Variants in MARCHF1 observed in about 807,000 individuals in gnomAD.
The protein encoded by MARCHF1 is E3 ubiquitin-protein ligase MARCHF1.
In MARCHF1, 40 loss-of-function variants were observed where a neutral mutation model predicts 54.2. The ratio of observed to expected loss-of-function variants is 0.74; its 90% confidence interval spans 0.57 to 0.96. MARCHF1 has a LOEUF of 0.96. MARCHF1 is among the 40% of genes least tolerant of loss of function. The pLI, the probability that MARCHF1 is intolerant of heterozygous loss-of-function variation, is 0.00. For missense variants in MARCHF1, 586 were observed against 656.5 expected (o/e 0.89, Z 1.17); for synonymous variants, 236 against 236.3 (o/e 1.00, Z 0.01).
chr4:163,736,496 T>C (rs1286847887), intron 4 of MARCHF1, among the ~76,000 whole-genome samples: 1 of 138,886 alleles, frequency 7.2e-6, no homozygotes, highest in African/African-American at 2.7e-5. Context: ...TGGATCTCAG[T>C]TGACTTCTGG....
intron 3 of MARCHF1, among the ~76,000 whole-genome samples, chr4:163,986,249 C>CCTTTTTTTTTTTT (rs1752864138): frequency 6.9e-5 from 2 of 28,830 alleles, no homozygotes; most frequent in Non-Finnish European, 1.5e-4. Flanking sequence ...TTAACCTCTT[C>CCTTTTTTTTTTTT]TTTTTTTTTT....
intron 1 of MARCHF1, among the ~76,000 whole-genome samples, chr4:164,232,872 T>C (rs78163357): frequency 6.6e-6 from 1 of 152,150 alleles, no homozygotes; most frequent in Non-Finnish European, 1.5e-5. Flanking sequence ...CAGAAACCTA[T>C]AGACACGTGC....
At chr4:163,546,830 C>T (rs7667729) in intron 8 of MARCHF1, among the ~76,000 whole-genome samples, 20,439 of 152,172 alleles carry the variant, frequency 0.13, 1,478 homozygotes, top group East Asian at 0.17. Context: ...AAGGGAATAT[C>T]TCCCATATTT....
At chr4:163,906,833 T>TC (rs67008142) in intron 3 of MARCHF1, among the ~76,000 whole-genome samples, 3 of 151,622 alleles carry the variant, frequency 2.0e-5, no homozygotes, top group African/African-American at 7.3e-5. Flanking sequence ...TATACACCCC[T>TC]CCCCCCCCAC....
chr4:164,035,888 C>G (rs1753983839), intron 2 of MARCHF1, among the ~76,000 whole-genome samples: 1 of 147,628 alleles, frequency 6.8e-6, no homozygotes. Flanking sequence ...CTAGACCAGC[C>G]TGGCCAATAT....
chr4:163,692,704 T>C (rs1225540740), intron 5 of MARCHF1, among the ~76,000 whole-genome samples: 1 of 151,370 alleles, frequency 6.6e-6, no homozygotes, highest in Non-Finnish European at 1.5e-5. Context: ...TTGGTTGTTG[T>C]ATGAAAAATA....
At chr4:163,977,619 C>A (rs1010377732) in intron 3 of MARCHF1, among the ~76,000 whole-genome samples, 2 of 152,074 alleles carry the variant, frequency 1.3e-5, no homozygotes, top group African/African-American at 2.4e-5. Flanking sequence ...CAGAACAATT[C>A]ATGTAGAAAT....
intron 2 of MARCHF1, among the ~76,000 whole-genome samples, chr4:164,107,569 C>T (rs1369963734): frequency 6.6e-6 from 1 of 151,952 alleles, no homozygotes; most frequent in Non-Finnish European, 1.5e-5. Context: ...CACCATGTTG[C>T]CCAGTCTGGT....
At chr4:164,058,053 A>G (rs1481667568) in intron 2 of MARCHF1, among the ~76,000 whole-genome samples, 3 of 152,054 alleles carry the variant, frequency 2.0e-5, no homozygotes, top group South Asian at 4.1e-4. Context: ...GTTCTCACTC[A>G]TAAGTGGGAG....
intron 1 of MARCHF1, among the ~76,000 whole-genome samples, chr4:164,248,598 G>T (rs1733029122): frequency 6.6e-6 from 1 of 151,930 alleles, no homozygotes; most frequent in South Asian, 2.1e-4. Flanking sequence ...GAATTCTTTT[G>T]TATGTTCACA....
At chr4:163,878,236 A>G (rs904337638) in intron 3 of MARCHF1, among the ~76,000 whole-genome samples, 2 of 152,192 alleles carry the variant, frequency 1.3e-5, no homozygotes, top group Admixed American at 6.5e-5. Context: ...TGCGCAGCCA[A>G]AAAGGGTAGG....
At chr4:164,113,320 C>A (rs755993345) in intron 1 of MARCHF1, among the ~76,000 whole-genome samples, 4 of 151,996 alleles carry the variant, frequency 2.6e-5, no homozygotes, top group Admixed American at 6.6e-5. Flanking sequence ...TCTACTGCTT[C>A]ATGATTTTAG....
chr4:163,700,721 C>T, intron 5 of MARCHF1, 92 bp downstream of exon 5: 3 of 943,088 alleles, frequency 3.2e-6, no homozygotes, highest in Non-Finnish European at 4.9e-6. Context: ...GTTCTGCTCA[C>T]AGATAACAAT....
intron 4 of MARCHF1, among the ~76,000 whole-genome samples, chr4:163,827,979 T>C (rs1388761067): frequency 1.3e-5 from 2 of 150,716 alleles, no homozygotes; most frequent in African/African-American, 4.9e-5. Flanking sequence ...GACGGACAGA[T>C]ATGAACATCC....
chr4:163,787,342 A>G (rs1391215944), intron 4 of MARCHF1, among the ~76,000 whole-genome samples: 1 of 151,862 alleles, frequency 6.6e-6, no homozygotes, highest in Non-Finnish European at 1.5e-5. Flanking sequence ...ATAAGGGGTT[A>G]CTATCCAAAA....
chr4:163,953,830 T>G (rs1752181138), intron 3 of MARCHF1, among the ~76,000 whole-genome samples: 1 of 152,308 alleles, frequency 6.6e-6, no homozygotes, highest in African/African-American at 2.4e-5. Context: ...GCTCATTTCT[T>G]TATGTATTGG....
chr4:163,551,507 G>A (rs1264450679), intron 8 of MARCHF1, among the ~76,000 whole-genome samples: 1 of 152,168 alleles, frequency 6.6e-6, no homozygotes, highest in African/African-American at 2.4e-5. Context: ...TGATAGGGAG[G>A]AAACAACAAA....
At chr4:164,049,562 C>T (rs1754315365) in intron 2 of MARCHF1, among the ~76,000 whole-genome samples, 1 of 151,910 alleles carries the variant, frequency 6.6e-6, no homozygotes, top group African/African-American at 2.4e-5. Flanking sequence ...AATTTAGTAA[C>T]CTCTATAATC....
intron 5 of MARCHF1, among the ~76,000 whole-genome samples, chr4:163,684,781 T>C (rs573491375): frequency 7.9e-5 from 12 of 152,374 alleles, no homozygotes; most frequent in Non-Finnish European, 8.8e-5. Flanking sequence ...TAGCATTTTA[T>C]GAAATTTTCA....
Sources: gnomAD v4.1 joint callset for allele counts (sites outside exome capture counted in the v4.1 genomes callset) on GRCh38, gnomAD v4.1.1 for gene constraint, MANE v1.5 for transcripts, NCBI Gene and HGNC (gene_info 2026-07-23, HGNC 2026-07-21) for gene names.